Variants in PIAS1 observed in about 807,000 individuals in gnomAD.
PIAS1 encodes the protein E3 SUMO-protein ligase PIAS1.
A neutral mutation model predicts 71.3 loss-of-function variants in PIAS1; 6 were observed. The observed-to-expected ratio is 0.08, with a 90% CI of 0.05 to 0.17. The LOEUF is 0.17. Ranked by LOEUF, PIAS1 falls within the 10% of genes least tolerant of loss-of-function variation. The pLI, the probability that PIAS1 is intolerant of heterozygous loss-of-function variation, is 1.00. For missense variants in PIAS1, 555 were observed against 793.6 expected, an observed-to-expected ratio of 0.70 and a Z score of 3.61; for synonymous variants, 303 against 292.9, an observed-to-expected ratio of 1.03 and a Z score of -0.35.
chr15:68,160,433 C>G (rs1174629739), intron 7 of PIAS1, among the ~76,000 whole-genome samples: 4 of 152,160 alleles, frequency 2.6e-5, no homozygotes, highest in Non-Finnish European at 5.9e-5. Context: ...ATGTATAAAT[C>G]TATTTCCGGA....
intron 2 of PIAS1, among the ~76,000 whole-genome samples, chr15:68,131,590 G>C (rs1050163994): frequency 2.0e-5 from 3 of 152,182 alleles, no homozygotes; most frequent in Admixed American, 6.5e-5. Flanking sequence ...GTGAGAGCAT[G>C]CAGTATTTGT....
chr15:68,142,172 G>T, intron 3 of PIAS1, 118 bp from the exon 4 acceptor site: 1 of 981,560 alleles, frequency 1.0e-6, no homozygotes. Flanking sequence ...GTTAGTTACT[G>T]TAAGAACAGT....
intron 13 of PIAS1, 85 bp downstream of exon 13, chr15:68,183,752 A>G: frequency 1.6e-6 from 1 of 612,940 alleles, no homozygotes. Flanking sequence ...GGTCAATGAC[A>G]GGCCATATAT....
At chr15:68,120,463 C>G (rs142412758) in intron 2 of PIAS1, among the ~76,000 whole-genome samples, 3 of 151,848 alleles carry the variant, frequency 2.0e-5, no homozygotes, top group African/African-American at 7.2e-5. Context: ...ATTTTTGTCT[C>G]CTTTGTTGGC....
Position 68,178,138 on chromosome 15 carries a change from T to G in PIAS1, c.1481+1484T>G, listed in dbSNP as rs1019495681. On this transcript the variant is annotated intron_variant, in intron 11 of 13. Transcript: ENST00000249636. The surrounding 1 kb of genome is among the most constrained non-coding windows in gnomAD (Gnocchi z 4.2). ...CCAAAAAATTAGCTGGGTATGGCAC[T>G]GTGTGCCTGTTGTCCCAACTACTCG... is the stretch of plus-strand genomic sequence containing the variant. Among the ~76,000 whole-genome samples the G allele has an allele frequency of 4.6e-5, 7 of 152,204 alleles. No homozygotes were observed. The highest frequency in any genetic ancestry group is 8.8e-5 in the Non-Finnish European group (6 of 68,038).
intron 2 of PIAS1, among the ~76,000 whole-genome samples, chr15:68,098,827 C>T (rs1211694740): frequency 6.6e-6 from 1 of 152,092 alleles, no homozygotes; most frequent in Non-Finnish European, 1.5e-5. Context: ...GAAAACATTG[C>T]TGTAGAGAAT....
chr15:68,067,371 T>A (rs533284197), intron 1 of PIAS1, among the ~76,000 whole-genome samples: 1 of 152,344 alleles, frequency 6.6e-6, no homozygotes, highest in Admixed American at 6.5e-5. Flanking sequence ...TCTTCTGATT[T>A]AGTTACCACT....
intron 1 of PIAS1, among the ~76,000 whole-genome samples, chr15:68,084,537 G>T (rs2092260913): frequency 6.6e-6 from 1 of 152,112 alleles, no homozygotes; most frequent in Non-Finnish European, 1.5e-5. Context: ...GGTGGAATTT[G>T]TTAAGGTTTA....
At position 68,167,627 on chromosome 15, in the gene PIAS1, A is replaced by G. The variant is rs1158856985; in HGVS notation, c.1008+2823A>G. Among the ~76,000 whole-genome samples the G allele has an allele frequency of 1.3e-5, 2 of 152,240 alleles. No homozygotes were observed. The highest frequency in any genetic ancestry group is 2.9e-5 in the Non-Finnish European group (2 of 68,048). On this transcript the variant is annotated intron_variant, in intron 8 of 13. Transcript: ENST00000249636. This position sits in a 1 kb window ranked among gnomAD's most constrained non-coding sequence, Gnocchi z 4.4. ...CAAATACAAATAACGTGGAATTGAT[A>G]GAAGAAAAGAAGATAAACTCTGGAA... is the stretch of plus-strand genomic sequence containing the variant.
At chr15:68,057,552 A>G (rs952858957) in intron 1 of PIAS1, 5 of 423,728 alleles carry the variant, frequency 1.2e-5, no homozygotes, top group African/African-American at 8.4e-5. Flanking sequence ...GGGAAGAGAA[A>G]CCATAATTAT....
intron 1 of PIAS1, among the ~76,000 whole-genome samples, chr15:68,065,517 G>A (rs1410097916): frequency 6.6e-6 from 1 of 151,308 alleles, no homozygotes; most frequent in East Asian, 2.0e-4. Flanking sequence ...TTTGATCCTG[G>A]GAGACAGAGG....
intron 1 of PIAS1, among the ~76,000 whole-genome samples, chr15:68,068,720 T>C (rs1257817503): frequency 6.6e-6 from 1 of 152,036 alleles, no homozygotes; most frequent in East Asian, 1.9e-4. Context: ...CCCAAAGTGC[T>C]GGGATTACAG....
chr15:68,128,996 T>G (rs185742120), intron 2 of PIAS1, among the ~76,000 whole-genome samples: 295 of 152,240 alleles, frequency 1.9e-3, no homozygotes, highest in Middle Eastern at 3.4e-3. Flanking sequence ...AAAAAAACTT[T>G]TAATATATAA....
chr15:68,081,594 A>G (rs549505861), intron 1 of PIAS1, among the ~76,000 whole-genome samples: 121 of 152,314 alleles, frequency 7.9e-4, no homozygotes, highest in African/African-American at 2.8e-3. Flanking sequence ...GGAAAAAGAA[A>G]AGAGAAATGC....
rs905625576 is a variant in PIAS1, at chr15:68,169,336, A to G, written c.1009-4396A>G. On this transcript the variant is annotated intron_variant, in intron 8 of 13. Transcript: ENST00000249636. ...TGGTAATTTTTCTGTTATAATAACT[A>G]CTTTGTTCTTTTGGCCTTTTTATCA... is the stretch of plus-strand genomic sequence containing the variant. Among the ~76,000 whole-genome samples the G allele has an allele frequency of 5.9e-5, 9 of 152,202 alleles. 1 individual carries two copies. Among genetic ancestry groups the G allele is most frequent in the Admixed American group, 4.6e-4 (7 of 15,286 alleles).
intron 7 of PIAS1, among the ~76,000 whole-genome samples, chr15:68,157,516 G>A (rs1370802778): frequency 6.6e-6 from 1 of 152,120 alleles, no homozygotes; most frequent in Non-Finnish European, 1.5e-5. Context: ...TCTTTCAGAT[G>A]TCACAAATGA....
intron 4 of PIAS1, 100 bp from the exon 5 acceptor site, chr15:68,145,716 T>G: frequency 1.4e-6 from 1 of 698,460 alleles, no homozygotes; most frequent in Non-Finnish European, 2.5e-6. Flanking sequence ...CCCTTTTGGT[T>G]GTTTTTAAAT....
chr15:68,065,156 C>T (rs957261955), intron 1 of PIAS1, among the ~76,000 whole-genome samples: 14 of 152,176 alleles, frequency 9.2e-5, no homozygotes, highest in African/African-American at 2.9e-4. Context: ...GATGGTCCTC[C>T]ACTTTCAAGA....
chr15:68,164,235 C>T (rs2092942598), intron 7 of PIAS1, among the ~76,000 whole-genome samples: 1 of 151,978 alleles, frequency 6.6e-6, no homozygotes, highest in African/African-American at 2.4e-5. Context: ...AAATAGGACT[C>T]TTTTCATAAT....
Sources: gnomAD v4.1 joint callset for allele counts (sites outside exome capture counted in the v4.1 genomes callset) on GRCh38, gnomAD v4.1.1 for gene constraint, Gnocchi (gnomAD v3.1) non-coding constraint, MANE v1.5 for transcripts, NCBI Gene and HGNC (gene_info 2026-07-23, HGNC 2026-07-21) for gene names.